Variants in NSDHL observed in about 807,000 individuals in gnomAD.
NSDHL encodes sterol-4-alpha-carboxylate 3-dehydrogenase, decarboxylating.
In NSDHL, 1 loss-of-function variant was observed where a neutral mutation model predicts 23.0. The ratio of observed to expected loss-of-function variants is 0.04; its 90% CI spans 0.02 to 0.21. The LOEUF (loss-of-function observed/expected upper bound fraction) is 0.21, where lower values mean the gene tolerates loss of function less well. NSDHL is among the 10% of genes least tolerant of loss of function. The pLI is 1.00. For synonymous variants in NSDHL, 128 were observed against 121.1 expected (o/e 1.06, Z -0.37); for missense variants, 237 against 300.9 (o/e 0.79, Z 1.57).
At chrX:152,833,355 C>T (rs1602918605) in intron 1 of NSDHL, among the ~76,000 whole-genome samples, 2 of 100,054 alleles carry the variant, frequency 2.0e-5, no homozygotes, top group South Asian at 4.7e-4. Context: ...CATTCCCCCC[C>T]GCCCACCATG....
chrX:152,867,921 A>G (rs1441680573), intron 7 of NSDHL, among the ~76,000 whole-genome samples: 1 of 110,767 alleles, frequency 9.0e-6, no homozygotes, highest in African/African-American at 3.3e-5. Context: ...ACGGTCATCT[A>G]TGGTCCCCTG....
intron 1 of NSDHL, among the ~76,000 whole-genome samples, chrX:152,837,987 C>T (rs1602922735): frequency 8.9e-6 from 1 of 111,789 alleles, no homozygotes; most frequent in South Asian, 3.7e-4. Context: ...TGTTATTGGT[C>T]TGTTCAGGGA....
intron 6 of NSDHL, among the ~76,000 whole-genome samples, chrX:152,867,156 C>A (rs782116359): frequency 1.7e-4 from 19 of 111,967 alleles, no homozygotes; most frequent in African/African-American, 6.2e-4. Context: ...CCTTGCCTTC[C>A]TGTTTCTCAC....
chrX:152,849,764 A>G (rs1299657928), intron 2 of NSDHL, among the ~76,000 whole-genome samples: 2 of 112,596 alleles, frequency 1.8e-5, no homozygotes, highest in African/African-American at 6.5e-5. Flanking sequence ...CCAGAGAGGG[A>G]AAGGGACTGA....
rs7882538 is a variant in NSDHL, at chrX:152,853,268, C to T, written c.267+2845C>T. ...TTCCCTGACGCAAGCCCCTCCCCCACCACAGCAAACCTATTTCTGCTAAGT... is the reference window on the plus strand; with the variant it reads ...TTCCCTGACGCAAGCCCCTCCCCCATCACAGCAAACCTATTTCTGCTAAGT... On this transcript the variant is annotated intron_variant, in intron 3 of 7. Transcript: ENST00000370274. Among the ~76,000 whole-genome samples the T allele has an allele frequency of 5.5e-3, 600 of 109,837 alleles. 2 individuals are homozygous for T. The highest frequency in any genetic ancestry group is 0.023 in the Middle Eastern group (5 of 217).
At chrX:152,857,952 A>G (rs1933468232) in intron 3 of NSDHL, among the ~76,000 whole-genome samples, 1 of 112,621 alleles carries the variant, frequency 8.9e-6, no homozygotes, top group Admixed American at 9.4e-5. Context: ...AACATGAATC[A>G]TACTTAGATC....
chrX:152,860,552 C>T (rs1933509595), intron 4 of NSDHL, among the ~76,000 whole-genome samples: 1 of 110,930 alleles, frequency 9.0e-6, no homozygotes, highest in African/African-American at 3.3e-5. Context: ...CCCACCTCTA[C>T]ACGAATTTTT....
chrX:152,861,402 T>C (rs782296822), intron 4 of NSDHL, among the ~76,000 whole-genome samples: 1 of 113,226 alleles, frequency 8.8e-6, no homozygotes, highest in South Asian at 3.6e-4. Context: ...TGTCTGCCCA[T>C]GCAGAGAAGC....
Position 152,859,749 on chromosome X carries a change from A to G in NSDHL, c.414+833A>G, listed in dbSNP as rs139484150. ...TTCTTTCAGGCATCTACCCAGAAGTAGGGTTGCTAGATCATATACTAGTTC... is the reference window on the plus strand; with the variant it reads ...TTCTTTCAGGCATCTACCCAGAAGTGGGGTTGCTAGATCATATACTAGTTC... On this transcript the variant is annotated intron_variant, in intron 4 of 7. Coordinates refer to ENST00000370274, the MANE Select transcript of NSDHL (RefSeq NM_015922.3). 8.8e-3 allele frequency among the ~76,000 whole-genome samples: 995 copies of G among 112,596 alleles called. 12 individuals carry two copies. The highest frequency in any genetic ancestry group is 0.03 in the African/African-American group (932 of 31,027).
Position 152,868,881 on chromosome X carries a change from C to G in NSDHL, c.887C>G (p.Pro296Arg), listed in dbSNP as rs782583089. The change falls in exon 8 of 8, where the codon CCC (proline) becomes CGC (arginine). Residue 296 changes from proline (P) to arginine (R), a missense_variant. Coordinates refer to ENST00000370274, the MANE Select transcript of NSDHL (RefSeq NM_015922.3). ...LNYEAPKYHI[P>R]YWVAYYLALL... ...TATGAGGCCCCCAAGTACCACATCC[C>G]CTACTGGGTGGCCTACTACCTGGCC... 23 of 1,209,481 alleles carry G rather than the reference C, an allele frequency of 1.9e-5. No individual in the cohort carries two copies. The South Asian group carries it at 3.9e-4, about 20-fold the overall frequency.
chrX:152,841,734 T>A (rs1056245862), intron 1 of NSDHL, among the ~76,000 whole-genome samples: 2 of 112,374 alleles, frequency 1.8e-5, no homozygotes, highest in African/African-American at 6.5e-5. Flanking sequence ...AAAACATTGC[T>A]CTTTGGAGTC....
chrX:152,856,849 A>C (rs1933450426), intron 3 of NSDHL, among the ~76,000 whole-genome samples: 1 of 112,618 alleles, frequency 8.9e-6, no homozygotes, highest in African/African-American at 3.2e-5. Flanking sequence ...CTGAGGTCAG[A>C]AGTTCGAGAC....
At chrX:152,850,185 C>T in intron 2 of NSDHL, 80 bp from the exon 3 acceptor site, 1 of 1,010,592 alleles carries the variant, frequency 9.9e-7, no homozygotes, top group Non-Finnish European at 1.4e-6. Flanking sequence ...ATTGCAGTGG[C>T]TCATGATATG....
chrX:152,833,294 C>T (rs1168032807), intron 1 of NSDHL, among the ~76,000 whole-genome samples: 1 of 84,413 alleles, frequency 1.2e-5, no homozygotes, highest in Non-Finnish European at 2.3e-5. Context: ...GCCCCTAACC[C>T]CCACATTGTT....
At chrX:152,857,944 C>CATG (rs1333937084) in intron 3 of NSDHL, among the ~76,000 whole-genome samples, 1 of 112,391 alleles carries the variant, frequency 8.9e-6, no homozygotes, top group African/African-American at 3.2e-5. Context: ...TGGTGACAAA[C>CATG]ATGAATCATA....
intron 6 of NSDHL, 59 bp from the exon 7 acceptor site, chrX:152,867,512 C>A: frequency 1.2e-6 from 1 of 857,802 alleles, no homozygotes; most frequent in Non-Finnish European, 1.7e-6. Flanking sequence ...TTGGGAGTGG[C>A]CCTGGCCTTC....
rs1933667014 is a variant in NSDHL, at chrX:152,869,171, C to T, written c.*55C>T. On this transcript the variant is annotated 3_prime_UTR_variant, in exon 8 of 8. Transcript: ENST00000370274. ...CGTTGCTCAGCCAGTCACTCCTTCC[C>T]CTGTGGATTGATGAAATAACATCCT... 8.2e-6 allele frequency: 8 copies of T among 972,048 alleles called. No individual in the cohort carries two copies. Among genetic ancestry groups the T allele is most frequent in the Non-Finnish European group, 1.2e-5 (8 of 682,985 alleles). 80.1% of individuals were successfully genotyped at this position (972,048 alleles called of 1,213,427 possible). A position where few individuals can be genotyped will look rare whatever the true frequency, so the allele number is the denominator to read the frequency against.
intron 6 of NSDHL, 94 bp from the exon 7 acceptor site, chrX:152,867,477 G>A (rs1933625128): frequency 1.5e-6 from 1 of 657,172 alleles, no homozygotes; most frequent in African/African-American, 2.1e-5. Flanking sequence ...CATTCTGTAG[G>A]TCACAGTCTC....
At chrX:152,833,036 C>T (rs1556843587) in intron 1 of NSDHL, among the ~76,000 whole-genome samples, 1 of 111,249 alleles carries the variant, frequency 9.0e-6, no homozygotes, top group Non-Finnish European at 1.9e-5. Flanking sequence ...GGATGGAGAC[C>T]ATGATGATCC....
Sources: allele counts gnomAD v4.1 joint callset (sites outside exome capture counted in the v4.1 genomes callset), GRCh38; gene constraint gnomAD v4.1.1; transcripts MANE v1.5; gene names NCBI Gene and HGNC (gene_info 2026-07-23, HGNC 2026-07-21).